The following CRB1 variants were observed in gnomAD, a reference collection of about 807,000 sequenced individuals.
The protein encoded by CRB1 is protein crumbs homolog 1.
Under a neutral mutation model 120.0 loss-of-function variants are expected in CRB1, and 83 were observed. The observed-to-expected ratio is 0.69, with a 90% CI of 0.58 to 0.83. CRB1 has a LOEUF of 0.83. CRB1 is among the 40% of genes least tolerant of loss of function. The pLI, the probability that CRB1 is intolerant of heterozygous loss-of-function variation, is 0.00. For missense variants in CRB1, 1,699 were observed against 1,687.6 expected (o/e 1.01, Z -0.12); for synonymous variants, 625 against 612.5 (o/e 1.02, Z -0.30).
At chr1:197,359,349 GT>G (rs758160335) in intron 5 of CRB1, among the ~76,000 whole-genome samples, 7,389 of 145,088 alleles carry the variant, frequency 0.051, 511 homozygotes, top group African/African-American at 0.16. Context: ...TAGAATAAGA[GT>G]TTTTTTTTTT....
At chr1:197,414,401 A>G (rs1364311058) in intron 5 of CRB1, among the ~76,000 whole-genome samples, 2 of 152,150 alleles carry the variant, frequency 1.3e-5, no homozygotes, top group African/African-American at 4.8e-5. Flanking sequence ...AATTCTAAAT[A>G]TAAAGTCTAC....
the CRB1 span, among the ~76,000 whole-genome samples, chr1:197,258,620 A>G: frequency 2.0e-4 from 31 of 152,102 alleles, no homozygotes; most frequent in African/African-American, 7.5e-4. Context: ...TGACACCACA[A>G]TGTCCTGGTT....
intron 5 of CRB1, chr1:197,413,918 T>G (rs928348620): frequency 6.6e-6 from 3 of 456,548 alleles, no homozygotes; most frequent in African/African-American, 6.0e-5. Flanking sequence ...CTAGTAGGTG[T>G]TTGGATGGAT....
intron 5 of CRB1, among the ~76,000 whole-genome samples, chr1:197,403,646 T>C (rs1663182235): frequency 6.6e-6 from 1 of 152,146 alleles, no homozygotes; most frequent in South Asian, 2.1e-4. Context: ...TCTTGGACTT[T>C]CTCCTTATAT....
chr1:197,271,358 C>T (rs1306696161), intron 1 of CRB1, among the ~76,000 whole-genome samples: 3 of 152,104 alleles, frequency 2.0e-5, no homozygotes, highest in Non-Finnish European at 4.4e-5. Context: ...TAAAGTTCTA[C>T]CTTGCTCAGC....
At chr1:197,312,583 AAAACAAAC>A (rs759978278) in intron 1 of CRB1, among the ~76,000 whole-genome samples, 160 of 152,300 alleles carry the variant, frequency 1.1e-3, no homozygotes, top group Non-Finnish European at 1.8e-3. Flanking sequence ...ACTCCGTCTC[AAAACAAAC>A]AAACAAACAA....
chr1:197,426,886 A>G (rs545735051), intron 6 of CRB1, among the ~76,000 whole-genome samples: 1 of 152,320 alleles, frequency 6.6e-6, no homozygotes, highest in South Asian at 2.1e-4. Context: ...AGGTTATGTA[A>G]CTAGCCTAAA....
intron 5 of CRB1, among the ~76,000 whole-genome samples, chr1:197,402,612 C>A (rs1663123143): frequency 6.6e-6 from 1 of 152,160 alleles, no homozygotes; most frequent in Non-Finnish European, 1.5e-5. Flanking sequence ...ATTTTGATTT[C>A]TCTCTCAGTT....
chr1:197,360,671 T>G (rs1660724547), intron 5 of CRB1, among the ~76,000 whole-genome samples: 1 of 152,252 alleles, frequency 6.6e-6, no homozygotes, highest in Non-Finnish European at 1.5e-5. Context: ...AGTGAGACTT[T>G]GTTTAACTCA....
intron 5 of CRB1, among the ~76,000 whole-genome samples, chr1:197,369,925 T>C (rs1661281591): frequency 6.6e-6 from 1 of 152,188 alleles, no homozygotes; most frequent in South Asian, 2.1e-4. Flanking sequence ...GGTTGTCTTT[T>C]ATTCTTCTTC....
the CRB1 span, among the ~76,000 whole-genome samples, chr1:197,255,034 C>A: frequency 6.6e-6 from 1 of 152,026 alleles, no homozygotes; most frequent in African/African-American, 2.4e-5. Context: ...GTCATGGATT[C>A]TTAATTAAAC....
chr1:197,334,067 C>T (rs1659010718), intron 2 of CRB1, among the ~76,000 whole-genome samples: 1 of 152,166 alleles, frequency 6.6e-6, no homozygotes. Context: ...CTCACCTATA[C>T]AGCTTATCAA....
chr1:197,321,925 A>T (rs1402081443), intron 1 of CRB1, among the ~76,000 whole-genome samples: 1 of 152,172 alleles, frequency 6.6e-6, no homozygotes, highest in East Asian at 1.9e-4. Context: ...TGGCTACTAT[A>T]AGAAGAATGT....
rs142309385 is a variant in CRB1, at chr1:197,454,803, G to A, written c.4005+12511G>A. On this transcript the variant is annotated intron_variant, in intron 11 of 11. Transcript: ENST00000367400. ...GTACGATACTGGACTTACGGAAACC[G>A]GTTTTTAAAATAATGCATTTATTCA... is the stretch of plus-strand genomic sequence containing the variant. Among the ~76,000 whole-genome samples the A allele has an allele frequency of 2.3e-3, 352 of 152,142 alleles. 5 individuals are homozygous for A. In the East Asian group the frequency reaches 0.04, roughly 17 times the overall value.
At chr1:197,283,790 A>G (rs139891159) in intron 1 of CRB1, among the ~76,000 whole-genome samples, 28 of 151,500 alleles carry the variant, frequency 1.8e-4, no homozygotes, top group Non-Finnish European at 2.8e-4. Context: ...TTCAATAAAC[A>G]TAAAACAGAT....
Position 197,337,824 on chromosome 1 carries a change from T to A in CRB1, c.653-6457T>A, listed in dbSNP as rs1395988621. ...ATAAATTTAAAGTGTAATATTTTAATATGTGTAGGCAAGAATTCAACTTCT... is the reference window on the plus strand; with the variant it reads ...ATAAATTTAAAGTGTAATATTTTAAAATGTGTAGGCAAGAATTCAACTTCT... On this transcript the variant is annotated intron_variant, in intron 2 of 11. Transcript: ENST00000367400. Among the ~76,000 whole-genome samples, 3 of 152,122 alleles carry A rather than the reference T, an allele frequency of 2.0e-5. No individual in the cohort carries two copies. The South Asian group carries it at 6.2e-4, about 32-fold the overall frequency.
chr1:197,395,315 A>G (rs1055848678), intron 5 of CRB1, among the ~76,000 whole-genome samples: 9 of 152,340 alleles, frequency 5.9e-5, no homozygotes, highest in African/African-American at 2.2e-4. Flanking sequence ...AGTAATGTAC[A>G]TAATATCTGA....
chr1:197,413,997 A>G (rs561982803), intron 5 of CRB1: 1 of 456,248 alleles, frequency 2.2e-6, no homozygotes, highest in East Asian at 6.9e-5. Flanking sequence ...GGCAATGCTC[A>G]TAGGTAACTA....
intron 1 of CRB1, among the ~76,000 whole-genome samples, chr1:197,279,009 A>T (rs1398702862): frequency 6.6e-6 from 1 of 151,938 alleles, no homozygotes; most frequent in African/African-American, 2.4e-5. Flanking sequence ...TAGAAATTTT[A>T]TTCCGAAAAA....
Sources: gnomAD v4.1 joint callset for allele counts (sites outside exome capture counted in the v4.1 genomes callset) on GRCh38, gnomAD v4.1.1 for gene constraint, MANE v1.5 for transcripts, NCBI Gene and HGNC (gene_info 2026-07-23, HGNC 2026-07-21) for gene names.